The following APBB2 variants were observed in gnomAD, a reference collection of about 807,000 sequenced individuals.
APBB2 encodes amyloid beta precursor protein binding family B member 2.
A neutral mutation model predicts 82.5 loss-of-function variants in APBB2; 38 were observed. That is an observed-to-expected ratio of 0.46 (90% CI 0.36 to 0.60). APBB2 has a LOEUF of 0.60. Among genes scored for constraint, APBB2 ranks in the 20% least tolerant of loss-of-function variants. The pLI, the probability that APBB2 is intolerant of heterozygous loss-of-function variation, is 0.00. For missense variants in APBB2, 772 were observed against 972.3 expected (o/e 0.79, Z 2.74); for synonymous variants, 341 against 368.2 (o/e 0.93, Z 0.85).
At chr4:40,982,667 T>G (rs1799400663) in intron 6 of APBB2, among the ~76,000 whole-genome samples, 2 of 151,814 alleles carry the variant, frequency 1.3e-5, no homozygotes, top group Admixed American at 6.6e-5. Flanking sequence ...GATACACACC[T>G]CTAGTCCCAG....
Position 41,147,638 on chromosome 4 carries a change from G to A in APBB2, c.-416-4496C>T, listed in dbSNP as rs147404167. On this transcript the variant is annotated intron_variant, in intron 1 of 17. Coordinates refer to ENST00000508593, the MANE Select transcript of APBB2 (RefSeq NM_004307.2). The stretch of plus-strand genomic sequence containing the variant: ...CCCAAGCAGCTGGGATTACAGGCGC[G>A]CACCACCACACCTGGCTAATTTTGT... 1.8e-3 allele frequency among the ~76,000 whole-genome samples: 279 copies of A among 151,986 alleles called. 1 individual carries two copies. Among genetic ancestry groups the A allele is most frequent in the African/African-American group, 6.4e-3 (266 of 41,440 alleles).
chr4:40,949,784 C>G (rs1435722738), intron 6 of APBB2, among the ~76,000 whole-genome samples: 1 of 152,216 alleles, frequency 6.6e-6, no homozygotes, highest in Non-Finnish European at 1.5e-5. Context: ...TGACTCTCAG[C>G]AATTTGCTTA....
At chr4:41,070,688 G>GT (rs923429214) in intron 3 of APBB2, among the ~76,000 whole-genome samples, 28 of 151,962 alleles carry the variant, frequency 1.8e-4, no homozygotes, top group African/African-American at 5.3e-4. Flanking sequence ...GTGAGGAATA[G>GT]TTTTTTTTAT....
At chr4:41,081,648 T>C (rs1346137442) in intron 3 of APBB2, among the ~76,000 whole-genome samples, 12 of 152,232 alleles carry the variant, frequency 7.9e-5, no homozygotes, top group South Asian at 2.1e-4. Context: ...CAAACATTTA[T>C]ACACAGGGGT....
At chr4:41,087,969 G>C (rs1740387161) in intron 3 of APBB2, among the ~76,000 whole-genome samples, 1 of 152,140 alleles carries the variant, frequency 6.6e-6, no homozygotes, top group Admixed American at 6.5e-5. Context: ...CACAAACCAA[G>C]TCGGTGTTAA....
At chr4:40,887,174 T>C (rs1770570199) in intron 12 of APBB2, among the ~76,000 whole-genome samples, 1 of 152,158 alleles carries the variant, frequency 6.6e-6, no homozygotes. Context: ...GCCAATCACC[T>C]CCTCATGCAA....
At chr4:41,117,936 G>A (rs1020306803) in intron 2 of APBB2, among the ~76,000 whole-genome samples, 1 of 152,194 alleles carries the variant, frequency 6.6e-6, no homozygotes, top group Non-Finnish European at 1.5e-5. Flanking sequence ...GCTGAGGGCA[G>A]TGGCTCATAT....
At chr4:40,960,858 C>T (rs1792991546) in intron 6 of APBB2, among the ~76,000 whole-genome samples, 2 of 151,964 alleles carry the variant, frequency 1.3e-5, no homozygotes, top group South Asian at 2.1e-4. Flanking sequence ...ATAAACGCTA[C>T]ATTTCCCAGC....
chr4:40,934,522 C>G lies in APBB2; in HGVS notation c.1194-6G>C. The G allele has an allele frequency of 6.2e-7, 1 of 1,614,034 alleles. No individual in the cohort carries two copies. The highest frequency in any genetic ancestry group is 8.5e-7 in the Non-Finnish European group (1 of 1,179,950). On this transcript the variant is annotated splice_polypyrimidine_tract_variant and splice_region_variant and intron_variant, in intron 9 of 17. Coordinates refer to ENST00000508593, the MANE Select transcript of APBB2 (RefSeq NM_004307.2). ...CATCAGGGTGTGGGGCATTTCTAGG[C>G]AGAAAAACAGAAAAGTGGACTTAGA...
At chr4:41,110,217 G>GC (rs1257446130) in intron 2 of APBB2, among the ~76,000 whole-genome samples, 1 of 152,242 alleles carries the variant, frequency 6.6e-6, no homozygotes, top group African/African-American at 2.4e-5. Flanking sequence ...CCACACATGT[G>GC]CCTGGCACGC....
intron 5 of APBB2, among the ~76,000 whole-genome samples, chr4:41,023,735 A>G (rs539239704): frequency 3.4e-4 from 52 of 152,368 alleles, no homozygotes; most frequent in Non-Finnish European, 6.3e-4. Context: ...AAGAATTAAT[A>G]TAATTAAAAT....
intron 2 of APBB2, among the ~76,000 whole-genome samples, chr4:41,116,436 A>C (rs1333519352): frequency 1.3e-5 from 2 of 152,176 alleles, no homozygotes; most frequent in Non-Finnish European, 2.9e-5. Flanking sequence ...CACGTTCTGC[A>C]CATGTACCCC....
intron 10 of APBB2, among the ~76,000 whole-genome samples, chr4:40,914,054 G>A (rs1254461946): frequency 3.3e-5 from 5 of 152,032 alleles, no homozygotes; most frequent in Non-Finnish European, 5.9e-5. Flanking sequence ...TGGCCAACAC[G>A]GTGAAACCCC....
intron 12 of APBB2, among the ~76,000 whole-genome samples, chr4:40,840,186 T>C (rs1278198848): frequency 6.6e-6 from 1 of 152,178 alleles, no homozygotes; most frequent in African/African-American, 2.4e-5. Context: ...TCCTCTTTGT[T>C]TCACCTGTGC....
chr4:41,027,251 A>T (rs1005702485), intron 5 of APBB2, among the ~76,000 whole-genome samples: 4 of 151,886 alleles, frequency 2.6e-5, no homozygotes, highest in Admixed American at 2.0e-4. Context: ...CTGGTGTTTC[A>T]GTAACACATT....
intron 12 of APBB2, among the ~76,000 whole-genome samples, chr4:40,845,306 T>C (rs968663919): frequency 1.3e-5 from 2 of 152,156 alleles, no homozygotes; most frequent in African/African-American, 4.8e-5. Flanking sequence ...GCTGGGCTTC[T>C]GCACAAGACA....
chr4:41,078,858 T>C (rs1736558864), intron 3 of APBB2, among the ~76,000 whole-genome samples: 1 of 152,174 alleles, frequency 6.6e-6, no homozygotes, highest in Non-Finnish European at 1.5e-5. Flanking sequence ...GAATTCCTCA[T>C]CATGTGAGTT....
chr4:40,953,474 G>T (rs541678725), intron 6 of APBB2, among the ~76,000 whole-genome samples: 12 of 152,112 alleles, frequency 7.9e-5, no homozygotes, highest in African/African-American at 2.9e-4. Context: ...ATTGCACCGA[G>T]ATTCGCCCGC....
chr4:41,049,098 T>G (rs1724627410), intron 4 of APBB2, among the ~76,000 whole-genome samples: 1 of 151,148 alleles, frequency 6.6e-6, no homozygotes, highest in Non-Finnish European at 1.5e-5. Context: ...GTCTGGGAAG[T>G]GAGGAGCGTC....
Sources: gnomAD v4.1 joint callset for allele counts (sites outside exome capture counted in the v4.1 genomes callset) on GRCh38, gnomAD v4.1.1 for gene constraint, MANE v1.5 for transcripts, NCBI Gene and HGNC (gene_info 2026-07-23, HGNC 2026-07-21) for gene names.